Variants in ADCY2 observed in about 807,000 individuals in gnomAD.
The protein encoded by ADCY2 is adenylate cyclase type 2.
In ADCY2, 31 loss-of-function variants were observed where a neutral mutation model predicts 125.2. The ratio of observed to expected loss-of-function variants is 0.25; its 90% CI spans 0.19 to 0.33. The LOEUF (loss-of-function observed/expected upper bound fraction) is 0.33, where lower values mean the gene tolerates loss of function less well. Ranked by LOEUF, ADCY2 falls within the 10% of genes least tolerant of loss-of-function variation. The probability of loss-of-function intolerance (pLI) is 1.00; values close to 1 mark genes in which losing one functional copy is unlikely to be tolerated. For synonymous variants in ADCY2, 512 were observed against 548.4 expected, an observed-to-expected ratio of 0.93 and a Z score of 0.93; for missense variants, 904 against 1,418.2, an observed-to-expected ratio of 0.64 and a Z score of 5.82.
At chr5:7,697,251 A>G (rs1195718186) in intron 6 of ADCY2, among the ~76,000 whole-genome samples, 1 of 152,154 alleles carries the variant, frequency 6.6e-6, no homozygotes, top group Non-Finnish European at 1.5e-5. Context: ...ACAATTCATT[A>G]CCCATAACAG....
chr5:7,482,767 G>GATATATATATATATATATATAT (rs140354609), intron 2 of ADCY2, among the ~76,000 whole-genome samples: 87 of 119,294 alleles, frequency 7.3e-4, no homozygotes, highest in African/African-American at 1.9e-3. Flanking sequence ...AAGAAAATGT[G>GATATATATATATATATATATAT]ATATATATAT....
intron 4 of ADCY2, among the ~76,000 whole-genome samples, chr5:7,655,993 T>TA (rs1465969705): frequency 1.3e-5 from 2 of 152,082 alleles, no homozygotes; most frequent in Non-Finnish European, 2.9e-5. Context: ...AAGCAGTTGA[T>TA]ACAGCACCTG....
chr5:7,798,137 T>G (rs326137), intron 20 of ADCY2: 107,624 of 152,098 alleles, frequency 0.71, 38,298 homozygotes, highest in South Asian at 0.82. Flanking sequence ...GCTGCCTGGG[T>G]GACGGGGGGA....
chr5:7,674,903 C>T (rs1740064786), intron 4 of ADCY2, among the ~76,000 whole-genome samples: 2 of 152,246 alleles, frequency 1.3e-5, no homozygotes, highest in South Asian at 4.1e-4. Context: ...CGCCTGTAAT[C>T]CCAGCACTTT....
At chr5:7,674,978 A>G (rs1320759389) in intron 4 of ADCY2, among the ~76,000 whole-genome samples, 18 of 151,716 alleles carry the variant, frequency 1.2e-4, no homozygotes, top group Non-Finnish European at 1.9e-4. Context: ...ACATGGTGAA[A>G]CTCCGTCTCT....
At chr5:7,784,641 C>T (rs1203165866) in intron 19 of ADCY2, among the ~76,000 whole-genome samples, 192 bp downstream of exon 19, 1 of 152,040 alleles carries the variant, frequency 6.6e-6, no homozygotes, top group African/African-American at 2.4e-5. Flanking sequence ...AAATATCTTT[C>T]GTATTTTCCA....
intron 24 of ADCY2, among the ~76,000 whole-genome samples, chr5:7,823,703 A>G (rs16879182): frequency 0.018 from 2,706 of 152,256 alleles, 86 homozygotes; most frequent in African/African-American, 0.061. Flanking sequence ...GCAGTTTTTA[A>G]TATGCTTTCT....
intron 4 of ADCY2, among the ~76,000 whole-genome samples, chr5:7,683,715 G>C (rs1369523535): frequency 1.3e-5 from 2 of 152,164 alleles, no homozygotes; most frequent in Non-Finnish European, 2.9e-5. Context: ...CCAGTCCATT[G>C]CAAGTGTAGC....
At chr5:7,764,697 A>T (rs1001342851) in intron 16 of ADCY2, among the ~76,000 whole-genome samples, 1 of 152,218 alleles carries the variant, frequency 6.6e-6, no homozygotes, top group Non-Finnish European at 1.5e-5. Context: ...GTGACAAAGG[A>T]TGTGGAAAAT....
chr5:7,428,391 G>A (rs543440205), intron 2 of ADCY2, among the ~76,000 whole-genome samples: 76 of 152,294 alleles, frequency 5.0e-4, no homozygotes, highest in African/African-American at 1.7e-3. Flanking sequence ...CAAAGATAGA[G>A]TTTTTTCTGC....
chr5:7,609,773 C>T (rs1472736232), intron 3 of ADCY2, among the ~76,000 whole-genome samples: 1 of 152,098 alleles, frequency 6.6e-6, no homozygotes, highest in African/African-American at 2.4e-5. Flanking sequence ...GAGTATTACT[C>T]CAGTGATATT....
chr5:7,557,697 G>A (rs914702166), intron 3 of ADCY2, among the ~76,000 whole-genome samples: 3 of 152,156 alleles, frequency 2.0e-5, no homozygotes, highest in Non-Finnish European at 2.9e-5. Flanking sequence ...ATAAGGACAC[G>A]ATCTTGTTCT....
intron 4 of ADCY2, among the ~76,000 whole-genome samples, chr5:7,663,516 A>G (rs1233020231): frequency 6.6e-6 from 1 of 152,250 alleles, no homozygotes; most frequent in African/African-American, 2.4e-5. Context: ...CTCTGAAGAC[A>G]TTCATGGCTT....
intron 11 of ADCY2, among the ~76,000 whole-genome samples, chr5:7,713,915 G>A (rs1197699531): frequency 1.3e-5 from 2 of 152,138 alleles, no homozygotes; most frequent in African/African-American, 4.8e-5. Context: ...AAAAGGAATT[G>A]TACCCAAGTA....
At chr5:7,751,937 A>G (rs763894979) in intron 15 of ADCY2, among the ~76,000 whole-genome samples, 14 of 152,192 alleles carry the variant, frequency 9.2e-5, no homozygotes, top group Admixed American at 1.3e-4. Flanking sequence ...AGTAAACAGA[A>G]TCAACACGTA....
chr5:7,500,840 A>G (rs1300480464), intron 2 of ADCY2, among the ~76,000 whole-genome samples: 1 of 152,206 alleles, frequency 6.6e-6, no homozygotes, highest in East Asian at 1.9e-4. Context: ...CCACACACCT[A>G]GCTCCTGCTT....
At chr5:7,681,093 C>T (rs899460597) in intron 4 of ADCY2, among the ~76,000 whole-genome samples, 13 of 151,992 alleles carry the variant, frequency 8.6e-5, no homozygotes, top group Non-Finnish European at 1.9e-4. Context: ...ATTCCAGGAT[C>T]GTGACAGGCT....
At chr5:7,550,691 C>A (rs1735300607) in intron 3 of ADCY2, among the ~76,000 whole-genome samples, 1 of 152,150 alleles carries the variant, frequency 6.6e-6, no homozygotes, top group Non-Finnish European at 1.5e-5. Flanking sequence ...AGTCCACTCC[C>A]TGCATTACAC....
At chr5:7,593,804 G>GA (rs200781494) in intron 3 of ADCY2, among the ~76,000 whole-genome samples, 138 of 148,136 alleles carry the variant, frequency 9.3e-4, no homozygotes, top group South Asian at 3.8e-3. Context: ...AGACAAACGT[G>GA]AAAAAAAAAA....
Sources: gnomAD v4.1 joint callset for allele counts (sites outside exome capture counted in the v4.1 genomes callset) on GRCh38, gnomAD v4.1.1 for gene constraint, MANE v1.5 for transcripts, NCBI Gene and HGNC (gene_info 2026-07-23, HGNC 2026-07-21) for gene names.